The following ZCCHC14 variants were observed in gnomAD, a reference collection of about 807,000 sequenced individuals.
ZCCHC14 encodes zinc finger CCHC domain-containing protein 14.
Under a neutral mutation model 85.0 loss-of-function variants are expected in ZCCHC14, and 16 were observed. That is an observed-to-expected ratio of 0.19 (90% CI 0.13 to 0.29). The LOEUF is 0.29. Among genes scored for constraint, ZCCHC14 ranks in the 10% least tolerant of loss-of-function variants. The probability of loss-of-function intolerance (pLI) is 1.00; values close to 1 mark genes in which losing one functional copy is unlikely to be tolerated. For missense variants in ZCCHC14, 1,303 were observed against 1,443.5 expected (o/e 0.90, Z 1.58); for synonymous variants, 775 against 630.7 (o/e 1.23, Z -3.43).
Position 87,412,027 on chromosome 16 carries a change from C to T in ZCCHC14, c.2694G>A (p.Pro898=), listed in dbSNP as rs983360547. The change falls in exon 12 of 13, where the codon CCG becomes CCA. Residue 898 remains proline (P), a synonymous_variant. Coordinates refer to ENST00000671377, the MANE Select transcript of ZCCHC14 (RefSeq NM_015144.3). ...GATGGTGGTGGTGGTGGTGGTGGTT[C>T]GGATTCGAGGCAGGAATGTTTCCTG... The part of the protein sequence containing the change: ...GSTGNIPASN[P]NHHHHHHHQQ... 1.9e-5 allele frequency: 30 copies of T among 1,608,660 alleles called. No homozygotes were observed. Among genetic ancestry groups the T allele is most frequent in the South Asian group, 2.2e-5 (2 of 91,050 alleles).
At chr16:87,444,936 G>A (rs1212052475) in intron 2 of ZCCHC14, among the ~76,000 whole-genome samples, 1 of 152,182 alleles carries the variant, frequency 6.6e-6, no homozygotes, top group African/African-American at 2.4e-5. Flanking sequence ...CTTATTGTTT[G>A]CAGAAAACAC....
At chr16:87,438,398 G>C (rs1181834745) in intron 2 of ZCCHC14, among the ~76,000 whole-genome samples, 1 of 152,202 alleles carries the variant, frequency 6.6e-6, no homozygotes, top group Non-Finnish European at 1.5e-5. Flanking sequence ...CCAATAAAAA[G>C]CAGCATGTTA....
intron 7 of ZCCHC14, among the ~76,000 whole-genome samples, chr16:87,418,542 C>T (rs981762777): frequency 6.6e-6 from 1 of 152,206 alleles, no homozygotes; most frequent in Non-Finnish European, 1.5e-5. Flanking sequence ...CTCAGGAGCA[C>T]GACCCTATGC....
chr16:87,456,168 T>C (rs1910949511), intron 2 of ZCCHC14, among the ~76,000 whole-genome samples: 1 of 152,178 alleles, frequency 6.6e-6, no homozygotes, highest in Non-Finnish European at 1.5e-5. Flanking sequence ...TCAAGGCTTC[T>C]CGATTTCGGC....
chr16:87,461,714 G>A (rs905404909), intron 1 of ZCCHC14, among the ~76,000 whole-genome samples: 3 of 152,212 alleles, frequency 2.0e-5, no homozygotes, highest in Non-Finnish European at 4.4e-5. Flanking sequence ...CTGGAGTTGG[G>A]AGGAAAGGGT....
chr16:87,410,716 G>C (rs927828798), intron 12 of ZCCHC14, among the ~76,000 whole-genome samples: 5 of 152,192 alleles, frequency 3.3e-5, no homozygotes, highest in Non-Finnish European at 7.3e-5. Flanking sequence ...GGAGGCACAG[G>C]CCCACCCGGG....
At chr16:87,466,531 T>C (rs1001713605) in intron 1 of ZCCHC14, among the ~76,000 whole-genome samples, 2 of 152,208 alleles carry the variant, frequency 1.3e-5, no homozygotes, top group African/African-American at 4.8e-5. Context: ...AAACATATTT[T>C]AAATGCATAA....
chr16:87,451,718 G>T (rs1910715024), intron 2 of ZCCHC14, among the ~76,000 whole-genome samples: 1 of 152,202 alleles, frequency 6.6e-6, no homozygotes, highest in Non-Finnish European at 1.5e-5. Flanking sequence ...TACAGTCAGG[G>T]CCCAGGAGCA....
In ZCCHC14 at chr16:87,408,786, T is replaced by A. The variant is rs1908312235; in HGVS notation, c.*1494A>T. 6.6e-6 allele frequency: 1 copy of A among 152,482 alleles called. No individual in the cohort carries two copies. The allele number at this position is 152,482 out of a possible 1,614,324, so 9.4% of individuals were successfully genotyped here. A position where few individuals can be genotyped will look rare whatever the true frequency, so the allele number is the denominator to read the frequency against. On this transcript the variant is annotated 3_prime_UTR_variant, in exon 13 of 13. Transcript: ENST00000671377. ...CTCATTCTAGGGTATTCTTCTGATT[T>A]ACATCAATTTTTCATGAGGCTGATT...
At chr16:87,475,686 A>C (rs1251436198) in intron 1 of ZCCHC14, among the ~76,000 whole-genome samples, 1 of 152,226 alleles carries the variant, frequency 6.6e-6, no homozygotes, top group Non-Finnish European at 1.5e-5. Context: ...AAGATGGATC[A>C]ATAAAAAGTA....
intron 1 of ZCCHC14, among the ~76,000 whole-genome samples, chr16:87,478,439 T>C (rs1912120954): frequency 6.6e-6 from 1 of 152,078 alleles, no homozygotes; most frequent in Admixed American, 6.6e-5. Flanking sequence ...TGGCCTGAGT[T>C]CTCACGTATG....
At chr16:87,487,683 C>G (rs903140722) in intron 1 of ZCCHC14, among the ~76,000 whole-genome samples, 1 of 152,244 alleles carries the variant, frequency 6.6e-6, no homozygotes, top group African/African-American at 2.4e-5. Flanking sequence ...GACAAAGAGC[C>G]TATTAACCAT....
At chr16:87,427,916 A>T (rs1909457326) in intron 3 of ZCCHC14, among the ~76,000 whole-genome samples, 2 of 148,290 alleles carry the variant, frequency 1.3e-5, no homozygotes, top group Non-Finnish European at 3.0e-5. Context: ...TACAGGCATG[A>T]GCCACTGCAC....
intron 1 of ZCCHC14, among the ~76,000 whole-genome samples, chr16:87,482,050 T>A (rs1210389692): frequency 6.6e-6 from 1 of 152,164 alleles, no homozygotes; most frequent in Non-Finnish European, 1.5e-5. Flanking sequence ...GGATATTACC[T>A]CATTGTAATG....
chr16:87,426,872 T>G (rs1303191228), intron 3 of ZCCHC14, among the ~76,000 whole-genome samples: 1 of 151,984 alleles, frequency 6.6e-6, no homozygotes, highest in African/African-American at 2.4e-5. Flanking sequence ...GAGAACAGGA[T>G]GCTATGAAAA....
intron 2 of ZCCHC14, among the ~76,000 whole-genome samples, chr16:87,441,034 C>T (rs1377708947): frequency 2.8e-5 from 4 of 142,874 alleles, no homozygotes; most frequent in South Asian, 2.2e-4. Context: ...GATAGAGTTT[C>T]GCTCTGTCAC....
intron 1 of ZCCHC14, chr16:87,467,239 C>G (rs1911566401): frequency 6.4e-7 from 1 of 1,561,722 alleles, no homozygotes; most frequent in East Asian, 2.2e-5. Context: ...GCAAGCCTCT[C>G]GTTTTACCGG....
In ZCCHC14 at chr16:87,423,794, C is replaced by T. The variant is rs772236971; in HGVS notation, c.840+16G>A. 2 of 1,612,500 alleles carry T rather than the reference C, an allele frequency of 1.2e-6. No homozygotes were observed. The highest frequency in any genetic ancestry group is 4.5e-5 in the East Asian group (2 of 44,856). The stretch of plus-strand genomic sequence containing the variant: ...GTGATTCTTTTAATTTTTATAAGAG[C>T]CCTTGATTACCTTACCTTTGAAATA... On this transcript the variant is annotated intron_variant, in intron 4 of 12. Coordinates refer to ENST00000671377, the MANE Select transcript of ZCCHC14 (RefSeq NM_015144.3).
intron 5 of ZCCHC14, 88 bp from the exon 6 acceptor site, chr16:87,419,965 G>C: frequency 8.7e-7 from 1 of 1,147,192 alleles, no homozygotes; most frequent in African/African-American, 1.6e-5. Context: ...TTAATCAAGA[G>C]AAATGTGTAT....
Sources: allele counts gnomAD v4.1 joint callset (sites outside exome capture counted in the v4.1 genomes callset), GRCh38; gene constraint gnomAD v4.1.1; transcripts MANE v1.5; gene names NCBI Gene and HGNC (gene_info 2026-07-23, HGNC 2026-07-21).